Variants in SCG3 observed in about 807,000 individuals in gnomAD.
SCG3 encodes the protein secretogranin III, also known as secretogranin-3.
In SCG3, 38 loss-of-function variants were observed where a neutral mutation model predicts 56.2. That is an observed-to-expected ratio of 0.68 (90% confidence interval 0.52 to 0.89). The LOEUF (loss-of-function observed/expected upper bound fraction) is 0.89. Ranked by LOEUF, SCG3 falls within the 40% of genes least tolerant of loss-of-function variation. The probability of loss-of-function intolerance (pLI) is 0.00; values close to 1 mark genes in which losing one functional copy is unlikely to be tolerated. For missense variants in SCG3, 524 were observed against 540.7 expected (o/e 0.97, Z 0.31); for synonymous variants, 176 against 184.2 (o/e 0.96, Z 0.36).
chr15:51,709,988 G>A (rs1386881560), intron 10 of SCG3, among the ~76,000 whole-genome samples: 5 of 147,242 alleles, frequency 3.4e-5, no homozygotes, highest in Non-Finnish European at 5.9e-5. Flanking sequence ...CGCCCGCCTC[G>A]GCCTCCCAAA....
intron 9 of SCG3, among the ~76,000 whole-genome samples, chr15:51,700,220 G>GA (rs958357211): frequency 9.2e-5 from 14 of 151,708 alleles, no homozygotes; most frequent in East Asian, 3.9e-4. Flanking sequence ...CCACAACTGT[G>GA]AAAAAAAATG....
At chr15:51,709,939 T>A (rs946534853) in intron 10 of SCG3, among the ~76,000 whole-genome samples, 5 of 141,036 alleles carry the variant, frequency 3.5e-5, no homozygotes, top group Admixed American at 2.2e-4. Context: ...GGTTTCACCA[T>A]GTTAGCCAGG....
chr15:51,681,561 C>T lies in SCG3; in HGVS notation c.-195C>T, dbSNP rs912857349. 15 of 585,826 alleles carry T rather than the reference C, an allele frequency of 2.6e-5. No individual in the cohort carries two copies. Among genetic ancestry groups the T allele is most frequent in the Non-Finnish European group, 4.6e-5 (15 of 326,780 alleles). 36.3% of individuals were successfully genotyped at this position (585,826 alleles called of 1,614,324 possible). ...CTCCCCTCTACCTGGAGACTTGACT[C>T]CCGCGCGCCCCAACCCTGCTTATCC... On this transcript the variant is annotated 5_prime_UTR_variant, in exon 1 of 12. Coordinates refer to ENST00000220478, the MANE Select transcript of SCG3 (RefSeq NM_013243.4).
chr15:51,702,376 C>A (rs1409111985), intron 10 of SCG3, among the ~76,000 whole-genome samples: 1 of 152,148 alleles, frequency 6.6e-6, no homozygotes, highest in Non-Finnish European at 1.5e-5. Context: ...TCTGCCTCAG[C>A]CTCCCAAGTA....
intron 11 of SCG3, among the ~76,000 whole-genome samples, chr15:51,716,074 G>T (rs1208664270): frequency 6.6e-6 from 1 of 152,180 alleles, no homozygotes; most frequent in East Asian, 1.9e-4. Context: ...AGCCTGGATG[G>T]CCTCAATCTC....
intron 6 of SCG3, among the ~76,000 whole-genome samples, chr15:51,690,651 TC>T (rs574778696): frequency 2.8e-3 from 140 of 49,994 alleles, no homozygotes; most frequent in African/African-American, 0.01. Context: ...TCTAGATTTA[TC>T]AAAAAAAAAA....
In SCG3 at chr15:51,708,641, G is replaced by C. The variant is rs368923098; in HGVS notation, c.1208-4692G>C. Among the ~76,000 whole-genome samples, 980 of 152,274 alleles carry C rather than the reference G, an allele frequency of 6.4e-3. 10 individuals are homozygous for C. Among genetic ancestry groups the C allele is most frequent in the Middle Eastern group, 0.02 (6 of 294 alleles). On this transcript the variant is annotated intron_variant, in intron 10 of 11. Transcript: ENST00000220478. The stretch of plus-strand genomic sequence containing the variant: ...GTGGCCGAGGAGGGCAGATCACGAG[G>C]TCAGGAGATCGAGACCATCCTGGCT...
Position 51,719,699 on chromosome 15 carries a change from C to A in SCG3, c.*173C>A. The A allele has an allele frequency of 1.8e-6, 1 of 560,756 alleles. No individual in the cohort carries two copies. Among genetic ancestry groups the A allele is most frequent in the Non-Finnish European group, 3.1e-6 (1 of 317,624 alleles). The allele number at this position is 560,756 out of a possible 1,614,324, so 34.7% of individuals were successfully genotyped here. On this transcript the variant is annotated 3_prime_UTR_variant, in exon 12 of 12. Coordinates refer to ENST00000220478, the MANE Select transcript of SCG3 (RefSeq NM_013243.4). ...AAACATAGCTTTCTTCCCGTAAAAACTATCTGAAAGTAAAGTTGTATGTAA... is the reference window on the plus strand; with the variant it reads ...AAACATAGCTTTCTTCCCGTAAAAAATATCTGAAAGTAAAGTTGTATGTAA...
chr15:51,682,718 AG>A, intron 2 of SCG3, 149 bp downstream of exon 2: 1 of 573,410 alleles, frequency 1.7e-6, no homozygotes, highest in East Asian at 3.3e-5. Context: ...CGGGAAATCT[AG>A]TTTTGGTAAA....
In SCG3 at chr15:51,681,637, T is replaced by TCCCC; in HGVS notation, c.-116_-115insCCCC. On this transcript the variant is annotated 5_prime_UTR_variant, in exon 1 of 12. Transcript: ENST00000220478. ...TGCAGCCGCCCAGTCCCGGCCCCTC[T>TCCCC]CCCGCCCCACACCCACCCTCCTGGC... The TCCCC allele has an allele frequency of 1.7e-6, 1 of 582,690 alleles. No individual in the cohort carries two copies. Among genetic ancestry groups the TCCCC allele is most frequent in the Non-Finnish European group, 3.3e-6 (1 of 307,202 alleles). The allele number at this position is 582,690 out of a possible 1,614,324, so 36.1% of individuals were successfully genotyped here.
At chr15:51,690,486 T>C (rs1470524066) in intron 6 of SCG3, among the ~76,000 whole-genome samples, 1 of 152,110 alleles carries the variant, frequency 6.6e-6, no homozygotes, top group African/African-American at 2.4e-5. Flanking sequence ...ATGGTTCTGT[T>C]TTAGAGAGGA....
At position 51,699,411 on chromosome 15, in the gene SCG3, AT is replaced by A. The variant is rs1390710703; in HGVS notation, c.1069+12del. On this transcript the variant is annotated intron_variant, in intron 9 of 11. Coordinates refer to ENST00000220478, the MANE Select transcript of SCG3 (RefSeq NM_013243.4). ...AAGCAAGCTTTTCCCAGGTATGATTATTTAACTATTTTTTTAGCCTTTAGAA... is the reference window on the plus strand; with the variant it reads ...AAGCAAGCTTTTCCCAGGTATGATTATTAACTATTTTTTTAGCCTTTAGAA... 1.9e-6 allele frequency: 3 copies of A among 1,548,518 alleles called. No individual in the cohort carries two copies. The African/African-American group carries it at 4.1e-5, about 21-fold the overall frequency.
chr15:51,716,405 A>G (rs2055456177), intron 11 of SCG3, among the ~76,000 whole-genome samples: 1 of 152,242 alleles, frequency 6.6e-6, no homozygotes, highest in Non-Finnish European at 1.5e-5. Flanking sequence ...GGAAAAGTGA[A>G]AAACAAAAAT....
Position 51,688,279 on chromosome 15 carries a change from T to A in SCG3, c.417T>A (p.His139Gln), listed in dbSNP as rs1330299632. The change falls in exon 5 of 12, where the codon CAT becomes CAA. Residue 139 changes from histidine to glutamine, a missense_variant. Physicochemically the swap from His to Gln is conservative, Grantham distance 24. Transcript: ENST00000220478. ...GTCTAGATGATCCAGATGGTCTTCA[T>A]CAACTAGACGGGACTCCTTTAACCG... is the stretch of plus-strand genomic sequence containing the variant. ...HKFQDDPDGLHQLDGTPLTAE... is the reference protein window; with the variant it reads ...HKFQDDPDGLQQLDGTPLTAE... The A allele has an allele frequency of 6.2e-7, 1 of 1,613,804 alleles. No homozygotes were observed. The highest frequency in any genetic ancestry group is 8.5e-7 in the Non-Finnish European group (1 of 1,179,750).
chr15:51,702,033 T>C (rs1362754325), intron 10 of SCG3, among the ~76,000 whole-genome samples: 1 of 152,112 alleles, frequency 6.6e-6, no homozygotes, highest in East Asian at 1.9e-4. Context: ...TGTATACATA[T>C]GTAACAAACC....
At chr15:51,688,834 C>T (rs1264766830) in intron 5 of SCG3, among the ~76,000 whole-genome samples, 2 of 152,182 alleles carry the variant, frequency 1.3e-5, no homozygotes, top group Non-Finnish European at 2.9e-5. Context: ...TTTGAATCCA[C>T]CTCAGCTTGG....
rs181912669 is a variant in SCG3, at chr15:51,688,508, C to T, written c.540+106C>T. ...AGCCAAGTGTTTATAATGTGTCTTC[C>T]TTCTACTAGGACCCGTAGGTTTTAA... On this transcript the variant is annotated intron_variant, in intron 5 of 11. Coordinates refer to ENST00000220478, the MANE Select transcript of SCG3 (RefSeq NM_013243.4). The T allele has an allele frequency of 2.5e-3, 2,453 of 977,202 alleles. 6 individuals are homozygous for T. The highest frequency in any genetic ancestry group is 3.3e-3 in the Non-Finnish European group (2,147 of 660,146). The allele number at this position is 977,202 out of a possible 1,614,324, so 60.5% of individuals were successfully genotyped here. A position where few individuals can be genotyped will look rare whatever the true frequency, so the allele number is the denominator to read the frequency against.
In SCG3 at chr15:51,708,965, G is replaced by A. The variant is rs112757937; in HGVS notation, c.1208-4368G>A. Among the ~76,000 whole-genome samples the A allele has an allele frequency of 4.5e-4, 69 of 152,232 alleles. 1 individual carries two copies. The highest frequency in any genetic ancestry group is 1.5e-3 in the African/African-American group (63 of 41,526). Reference sequence around the variant, plus strand: ...TTTGACCCAGCCCCAGTCATTAAAGGCTCCATATTTATTTTGGTTCAAAAC... The same window carrying A: ...TTTGACCCAGCCCCAGTCATTAAAGACTCCATATTTATTTTGGTTCAAAAC... On this transcript the variant is annotated intron_variant, in intron 10 of 11. Coordinates refer to ENST00000220478, the MANE Select transcript of SCG3 (RefSeq NM_013243.4).
rs376741529 is a variant in SCG3, at chr15:51,710,038, C to T, written c.1208-3295C>T. 2.6e-3 allele frequency among the ~76,000 whole-genome samples: 399 copies of T among 151,452 alleles called. 14 individuals carry two copies. In the South Asian group the frequency reaches 0.08, roughly 30 times the overall value. On this transcript the variant is annotated intron_variant, in intron 10 of 11. Coordinates refer to ENST00000220478, the MANE Select transcript of SCG3 (RefSeq NM_013243.4). The stretch of plus-strand genomic sequence containing the variant: ...GGCATGAGCCACCGCGCCCGGCCGG[C>T]TTGTAAGTTTTTTTAAGATGTAGTT...
Sources: allele counts gnomAD v4.1 joint callset (sites outside exome capture counted in the v4.1 genomes callset), GRCh38; gene constraint gnomAD v4.1.1; transcripts MANE v1.5; gene names NCBI Gene and HGNC (gene_info 2026-07-23, HGNC 2026-07-21).